The following SERGEF variants were observed in gnomAD, a reference collection of about 807,000 sequenced individuals.
The protein encoded by SERGEF is secretion-regulating guanine nucleotide exchange factor.
A neutral mutation model predicts 50.0 loss-of-function variants in SERGEF; 51 were observed. The observed-to-expected ratio is 1.02, with a 90% CI of 0.81 to 1.29. The LOEUF is 1.29. Among genes scored for constraint, SERGEF ranks in the 50% most tolerant of loss-of-function variants. The pLI is 0.00. For missense variants in SERGEF, 521 were observed against 557.0 expected, an observed-to-expected ratio of 0.94 and a Z score of 0.65; for synonymous variants, 205 against 212.4, an observed-to-expected ratio of 0.97 and a Z score of 0.30.
At chr11:17,955,717 C>T (rs1300586154) in intron 9 of SERGEF, among the ~76,000 whole-genome samples, 1 of 152,180 alleles carries the variant, frequency 6.6e-6, no homozygotes, top group Non-Finnish European at 1.5e-5. Flanking sequence ...GGAACAGCAG[C>T]ATCATACCAA....
rs1216765511 is a variant in SERGEF, at chr11:17,840,364, G to A, written c.1048+37844C>T. Among the ~76,000 whole-genome samples, 5 of 152,092 alleles carry A rather than the reference G, an allele frequency of 3.3e-5. No individual in the cohort carries two copies. The East Asian group carries it at 9.6e-4, about 29-fold the overall frequency. On this transcript the variant is annotated intron_variant, in intron 10 of 10. Coordinates refer to ENST00000265965, the MANE Select transcript of SERGEF (RefSeq NM_012139.4). ...TAAAGCATGTATCTATTTCACATGG[G>A]TATTCACAGATCCTATCACATGGTG...
intron 10 of SERGEF, chr11:17,846,863 C>T: frequency 2.4e-6 from 1 of 419,978 alleles, no homozygotes; most frequent in South Asian, 1.7e-5. Context: ...GAGGTGTTTC[C>T]TGAAGGGATT....
intron 1 of SERGEF, 165 bp downstream of exon 1, chr11:18,012,786 C>CCCA: frequency 1.7e-6 from 2 of 1,158,440 alleles, no homozygotes; most frequent in Non-Finnish European, 2.4e-6. Flanking sequence ...CCCGCCCGCC[C>CCCA]GCTCCTCCTC....
At chr11:17,892,703 G>A (rs1851555979) in intron 9 of SERGEF, among the ~76,000 whole-genome samples, 1 of 152,212 alleles carries the variant, frequency 6.6e-6, no homozygotes, top group Non-Finnish European at 1.5e-5. Context: ...CACTGTTAAT[G>A]CCCTGCAGCC....
intron 9 of SERGEF, among the ~76,000 whole-genome samples, chr11:17,917,202 G>A (rs909588986): frequency 3.3e-5 from 5 of 152,228 alleles, no homozygotes; most frequent in African/African-American, 1.2e-4. Flanking sequence ...TAAAGAAACT[G>A]TGGTACATAT....
At chr11:17,976,029 A>G (rs964911839) in intron 8 of SERGEF, among the ~76,000 whole-genome samples, 1 of 152,160 alleles carries the variant, frequency 6.6e-6, no homozygotes, top group African/African-American at 2.4e-5. Context: ...GAAGCAGACA[A>G]ATTAGGAATT....
intron 10 of SERGEF, among the ~76,000 whole-genome samples, chr11:17,810,252 A>T (rs1849843734): frequency 6.6e-6 from 1 of 152,168 alleles, no homozygotes. Context: ...CACTTCTTGT[A>T]TCCCACACAA....
rs540825238 is a variant in SERGEF at position 17,830,685 on chromosome 11, A to AGAGAGAGAGAGAGAGAGAGAGC, written c.1049-42273_1049-42272insGCTCTCTCTCTCTCTCTCTCTC. Among the ~76,000 whole-genome samples the AGAGAGAGAGAGAGAGAGAGAGC allele has an allele frequency of 2.8e-4, 33 of 118,998 alleles. 4 individuals carry two copies. The highest frequency in any genetic ancestry group is 1.4e-3 in the East Asian group (4 of 2,908). 78.1% of individuals were successfully genotyped at this position (118,998 alleles called of 152,430 possible). On this transcript the variant is annotated intron_variant, in intron 10 of 10. Coordinates refer to ENST00000265965, the MANE Select transcript of SERGEF (RefSeq NM_012139.4). ...GAGAGAGAGAGAGAGAGAGAGAGAG[A>AGAGAGAGAGAGAGAGAGAGAGC]GAGCACATGTACATGCAAGAGTAAG...
At chr11:17,801,523 A>G (rs1849670088) in intron 10 of SERGEF, among the ~76,000 whole-genome samples, 1 of 152,184 alleles carries the variant, frequency 6.6e-6, no homozygotes. Context: ...CTGATACATT[A>G]TATATACAGA....
At chr11:17,886,011 T>C (rs905578829) in intron 9 of SERGEF, among the ~76,000 whole-genome samples, 4 of 152,094 alleles carry the variant, frequency 2.6e-5, no homozygotes, top group Non-Finnish European at 5.9e-5. Flanking sequence ...TGTGAGGTAA[T>C]GGAGAGAGTT....
chr11:17,788,647 G>GAC, intron 10 of SERGEF, among the ~76,000 whole-genome samples: 1 of 152,136 alleles, frequency 6.6e-6, no homozygotes, highest in Non-Finnish European at 1.5e-5. Context: ...GACTGCTCAT[G>GAC]TTCCAAGCGT....
intron 8 of SERGEF, among the ~76,000 whole-genome samples, chr11:17,964,079 G>A (rs1853069072): frequency 6.6e-6 from 1 of 152,158 alleles, no homozygotes; most frequent in Non-Finnish European, 1.5e-5. Flanking sequence ...GAGATTTCAG[G>A]ATTTCAAGGT....
rs57370560 is a variant in SERGEF at position 18,011,137 on chromosome 11, TACACACACACACAC to T, written c.60+1800_60+1813del. Among the ~76,000 whole-genome samples the T allele has an allele frequency of 5.6e-3, 830 of 147,728 alleles. 10 individuals are homozygous for T. Among genetic ancestry groups the T allele is most frequent in the African/African-American group, 0.019 (775 of 40,334 alleles). ...CATATCACACGTGCACATGCACACA[TACACACACACACAC>T]ACACACACACACACACCCCTAACAA... is the stretch of plus-strand genomic sequence containing the variant. On this transcript the variant is annotated intron_variant, in intron 1 of 10. Coordinates refer to ENST00000265965, the MANE Select transcript of SERGEF (RefSeq NM_012139.4).
At chr11:17,823,185 T>C (rs1336803763) in intron 10 of SERGEF, among the ~76,000 whole-genome samples, 1 of 152,236 alleles carries the variant, frequency 6.6e-6, no homozygotes. Flanking sequence ...TGTCCCTCAA[T>C]TGAGTTTTTC....
intron 9 of SERGEF, among the ~76,000 whole-genome samples, chr11:17,910,898 G>C (rs773809516): frequency 6.6e-6 from 1 of 152,162 alleles, no homozygotes; most frequent in Non-Finnish European, 1.5e-5. Flanking sequence ...GGAGGGCCTC[G>C]TGGCTCAGGT....
At chr11:17,947,789 T>C (rs2037981927) in intron 9 of SERGEF, among the ~76,000 whole-genome samples, 1 of 152,168 alleles carries the variant, frequency 6.6e-6, no homozygotes, top group South Asian at 2.1e-4. Flanking sequence ...ATCTACAAAA[T>C]AAGGATAAAT....
At chr11:17,998,889 T>C (rs113776067) in intron 5 of SERGEF, among the ~76,000 whole-genome samples, 1 of 152,172 alleles carries the variant, frequency 6.6e-6, no homozygotes, top group African/African-American at 2.4e-5. Flanking sequence ...TTAATACTTT[T>C]AGCCTCCAGA....
At chr11:17,826,860 T>C (rs1432278257) in intron 10 of SERGEF, among the ~76,000 whole-genome samples, 1 of 152,238 alleles carries the variant, frequency 6.6e-6, no homozygotes, top group Admixed American at 6.5e-5. Context: ...TTACTACTTA[T>C]GAAGCATATC....
intron 1 of SERGEF, 193 bp downstream of exon 1, chr11:18,012,758 C>A (rs995972325): frequency 4.9e-6 from 7 of 1,436,052 alleles, no homozygotes; most frequent in Admixed American, 4.2e-5. Context: ...CTAAGTCGAC[C>A]GCGAAGACCC....
Sources: allele counts gnomAD v4.1 joint callset (sites outside exome capture counted in the v4.1 genomes callset), GRCh38; gene constraint gnomAD v4.1.1; transcripts MANE v1.5; gene names NCBI Gene and HGNC (gene_info 2026-07-23, HGNC 2026-07-21).